AGAP1: variants seen among roughly 807,000 people sequenced by gnomAD.
AGAP1 encodes the protein arf-GAP with GTPase, ANK repeat and PH domain-containing protein 1.
In AGAP1, 29 loss-of-function variants were observed where a neutral mutation model predicts 105.3. The observed-to-expected ratio is 0.28, with a 90% confidence interval of 0.21 to 0.38. The LOEUF (loss-of-function observed/expected upper bound fraction) is 0.38, where lower values mean the gene tolerates loss of function less well. AGAP1 is among the 10% of genes least tolerant of loss of function. The pLI, the probability that AGAP1 is intolerant of heterozygous loss-of-function variation, is 1.00. For synonymous variants in AGAP1, 509 were observed against 485.9 expected (o/e 1.05, Z -0.63); for missense variants, 998 against 1,165.1 (o/e 0.86, Z 2.09).
At position 235,971,832 on chromosome 2, in the gene AGAP1, G is replaced by A. The variant is rs906182099; in HGVS notation, c.1645+3209G>A. On this transcript the variant is annotated intron_variant, in intron 13 of 17. Coordinates refer to ENST00000304032, the MANE Select transcript of AGAP1 (RefSeq NM_001037131.3). This position sits in a 1 kb window ranked among gnomAD's most constrained non-coding sequence, Gnocchi z 4.8. ...CTCGCTCTGTCACCCAGGCTGGGGTGTAGTGGTGCAGTCACGGCTCACTGC... is the reference window on the plus strand; with the variant it reads ...CTCGCTCTGTCACCCAGGCTGGGGTATAGTGGTGCAGTCACGGCTCACTGC... 2.6e-5 allele frequency among the ~76,000 whole-genome samples: 4 copies of A among 151,582 alleles called. No homozygotes were observed. The highest frequency in any genetic ancestry group is 1.3e-4 in the Admixed American group (2 of 15,190).
intron 13 of AGAP1, among the ~76,000 whole-genome samples, chr2:236,010,824 A>C (rs890529648): frequency 3.3e-5 from 5 of 152,210 alleles, no homozygotes; most frequent in Admixed American, 1.3e-4. Context: ...GTCTCTCTGC[A>C]TTGTCTTAAC....
In AGAP1 at chr2:235,787,147, C is replaced by T. The variant is rs1956693139; in HGVS notation, c.674-10612C>T. ...GGTTCTCACTTCTTGTCTTTGAGTTCTCAGGCTTCTCCCCTCTCCTGTTGT... is the reference window on the plus strand; with the variant it reads ...GGTTCTCACTTCTTGTCTTTGAGTTTTCAGGCTTCTCCCCTCTCCTGTTGT... On this transcript the variant is annotated intron_variant, in intron 6 of 17. Transcript: ENST00000304032. This position sits in a 1 kb window ranked among gnomAD's most constrained non-coding sequence, Gnocchi z 4.4. Among the ~76,000 whole-genome samples the T allele has an allele frequency of 6.6e-6, 1 of 152,218 alleles. No individual in the cohort carries two copies. The highest frequency in any genetic ancestry group is 1.5e-5 in the Non-Finnish European group (1 of 68,044).
rs1945678116 is a variant in AGAP1 at position 235,600,074 on chromosome 2, C to T, written c.163+105225C>T. Among the ~76,000 whole-genome samples the T allele has an allele frequency of 6.6e-6, 1 of 152,184 alleles. No homozygotes were observed. The highest frequency in any genetic ancestry group is 2.1e-4 in the South Asian group (1 of 4,832). On this transcript the variant is annotated intron_variant, in intron 1 of 17. Coordinates refer to ENST00000304032, the MANE Select transcript of AGAP1 (RefSeq NM_001037131.3). The surrounding 1 kb of genome is among the most constrained non-coding windows in gnomAD (Gnocchi z 4.8). Reference sequence around the variant, plus strand: ...GGGAATATAAACAGCCTCCAGGGAGCCCCTCTCTCCATCCCAGCCTTTCTT... The same window carrying T: ...GGGAATATAAACAGCCTCCAGGGAGTCCCTCTCTCCATCCCAGCCTTTCTT...
chr2:235,593,362 G>A lies in AGAP1; in HGVS notation c.163+98513G>A, dbSNP rs143643661. On this transcript the variant is annotated intron_variant, in intron 1 of 17. Coordinates refer to ENST00000304032, the MANE Select transcript of AGAP1 (RefSeq NM_001037131.3). ...ACAACCTCCTGATTTCAAAAGCAAAGGCTTAAAATTTATTTCAGAATGAGT... is the reference window on the plus strand; with the variant it reads ...ACAACCTCCTGATTTCAAAAGCAAAAGCTTAAAATTTATTTCAGAATGAGT... Among the ~76,000 whole-genome samples the A allele has an allele frequency of 1.4e-3, 217 of 152,278 alleles. 1 individual carries two copies. Among genetic ancestry groups the A allele is most frequent in the African/African-American group, 4.8e-3 (199 of 41,568 alleles).
chr2:235,740,183 C>T lies in AGAP1; in HGVS notation c.311-780C>T, dbSNP rs775665867. ...CAGGAGCAGGGCTGGCCTAGCGGGCCGGGCTGGGCACTGCAGCAACCTTGT... is the reference window on the plus strand; with the variant it reads ...CAGGAGCAGGGCTGGCCTAGCGGGCTGGGCTGGGCACTGCAGCAACCTTGT... On this transcript the variant is annotated intron_variant, in intron 3 of 17. Coordinates refer to ENST00000304032, the MANE Select transcript of AGAP1 (RefSeq NM_001037131.3). The surrounding 1 kb of genome is among the most constrained non-coding windows in gnomAD (Gnocchi z 5.7). Among the ~76,000 whole-genome samples, 1 of 152,082 alleles carries T rather than the reference C, an allele frequency of 6.6e-6. No homozygotes were observed. Among genetic ancestry groups the T allele is most frequent in the Non-Finnish European group, 1.5e-5 (1 of 67,988 alleles).
intron 1 of AGAP1, among the ~76,000 whole-genome samples, chr2:235,666,830 C>T (rs1948142831): frequency 6.6e-6 from 1 of 151,928 alleles, no homozygotes; most frequent in African/African-American, 2.4e-5. Context: ...ATTTACATAC[C>T]TTAATTATGG....
Position 235,799,328 on chromosome 2 carries a change from G to A in AGAP1, c.802-39G>A. The stretch of plus-strand genomic sequence containing the variant: ...CTAAGTGGAGGTCTTGGGTTCCTGA[G>A]TATGTCGTTAATGAAACCTTGGATT... On this transcript the variant is annotated intron_variant, in intron 7 of 17. Coordinates refer to ENST00000304032, the MANE Select transcript of AGAP1 (RefSeq NM_001037131.3). This position sits in a 1 kb window ranked among gnomAD's most constrained non-coding sequence, Gnocchi z 5.0. 6.2e-7 allele frequency: 1 copy of A among 1,602,154 alleles called. No homozygotes were observed. Among genetic ancestry groups the A allele is most frequent in the Non-Finnish European group, 8.5e-7 (1 of 1,173,244 alleles).
At chr2:235,786,746 C>T (rs967894041) in intron 6 of AGAP1, among the ~76,000 whole-genome samples, 9 of 152,154 alleles carry the variant, frequency 5.9e-5, no homozygotes, top group Admixed American at 3.3e-4. Flanking sequence ...TGCCCTGTGA[C>T]GAGAAGAGCA....
chr2:236,120,211 A>G lies in AGAP1; in HGVS notation c.2134A>G (p.Ile712Val), dbSNP rs761131808. 11 of 1,612,384 alleles carry G rather than the reference A, an allele frequency of 6.8e-6. No individual in the cohort carries two copies. Among genetic ancestry groups the G allele is most frequent in the Non-Finnish European group, 8.5e-6 (10 of 1,178,984 alleles). The change falls in exon 17 of 18, where the codon ATC (isoleucine) becomes GTC (valine). Residue 712 changes from isoleucine (I) to valine (V), a missense_variant. Ile to Val is a conservative substitution (Grantham distance 29). Transcript: ENST00000304032. This position sits in a 1 kb window ranked among gnomAD's most constrained non-coding sequence, Gnocchi z 6.0. Reference protein sequence around the residue: ...DSTREEKERWIRAKYEQKLFL... With the variant: ...DSTREEKERWVRAKYEQKLFL... ...TTGCAGGGAAGAGAAGGAACGGTGG[A>G]TCCGTGCCAAGTACGAGCAGAAGCT...
At chr2:235,675,194 T>G (rs1490834754) in intron 1 of AGAP1, among the ~76,000 whole-genome samples, 1 of 147,476 alleles carries the variant, frequency 6.8e-6, no homozygotes, top group Admixed American at 6.7e-5. Flanking sequence ...TGGTTGGTTT[T>G]TTTTTTTTTT....
At chr2:235,671,212 G>A (rs1330695197) in intron 1 of AGAP1, among the ~76,000 whole-genome samples, 4 of 152,212 alleles carry the variant, frequency 2.6e-5, no homozygotes, top group Admixed American at 6.5e-5. Context: ...CCAGCAGGGC[G>A]CAGCGGTCCT....
intron 1 of AGAP1, among the ~76,000 whole-genome samples, chr2:235,602,637 C>G (rs961419180): frequency 2.0e-5 from 3 of 152,210 alleles, no homozygotes; most frequent in Non-Finnish European, 2.9e-5. Flanking sequence ...TGCATGTTTC[C>G]TCCACCTCCA....
At chr2:236,039,809 G>A (rs1351989525) in intron 14 of AGAP1, among the ~76,000 whole-genome samples, 2 of 152,144 alleles carry the variant, frequency 1.3e-5, no homozygotes, top group Non-Finnish European at 2.9e-5. Context: ...TAAACAACAG[G>A]CTAAAAGAAC....
Position 235,879,829 on chromosome 2 carries a change from G to A in AGAP1, c.1051-3516G>A, listed in dbSNP as rs2106608842. Among the ~76,000 whole-genome samples the A allele has an allele frequency of 6.6e-6, 1 of 152,304 alleles. No homozygotes were observed. The highest frequency in any genetic ancestry group is 1.5e-5 in the Non-Finnish European group (1 of 68,038). ...TGTGTGTAGTCCTAGCTACTCGGAGGAGGCTGGCGCAGGAGAATTGCTTGA... is the reference window on the plus strand; with the variant it reads ...TGTGTGTAGTCCTAGCTACTCGGAGAAGGCTGGCGCAGGAGAATTGCTTGA... On this transcript the variant is annotated intron_variant, in intron 9 of 17. Transcript: ENST00000304032. The surrounding 1 kb of genome is among the most constrained non-coding windows in gnomAD (Gnocchi z 5.0).
intron 6 of AGAP1, among the ~76,000 whole-genome samples, chr2:235,791,442 G>A (rs1488932095): frequency 6.6e-6 from 1 of 152,118 alleles, no homozygotes; most frequent in Admixed American, 6.5e-5. Flanking sequence ...TGTAGGGGCG[G>A]GGGATGGATT....
chr2:235,684,770 A>G (rs1012690716), intron 1 of AGAP1, among the ~76,000 whole-genome samples: 12 of 152,166 alleles, frequency 7.9e-5, no homozygotes, highest in African/African-American at 2.2e-4. Context: ...GCGTCAGATG[A>G]ATAACTTGTT....
Position 235,883,294 on chromosome 2 carries a change from T to A in AGAP1, c.1051-51T>A. 1 of 1,555,424 alleles carries A rather than the reference T, an allele frequency of 6.4e-7. No individual in the cohort carries two copies. Among genetic ancestry groups the A allele is most frequent in the African/African-American group, 1.4e-5 (1 of 73,388 alleles). On this transcript the variant is annotated intron_variant, in intron 9 of 17. Transcript: ENST00000304032. The surrounding 1 kb of genome is among the most constrained non-coding windows in gnomAD (Gnocchi z 4.5). ...ATATGTTGCCTGTGTACCTGCCTTT[T>A]CTTTTTTTTATTTACATTAGAATTT...
In AGAP1 at chr2:235,879,725, C is replaced by T. The variant is rs998532698; in HGVS notation, c.1051-3620C>T. Among the ~76,000 whole-genome samples, 6 of 151,870 alleles carry T rather than the reference C, an allele frequency of 4.0e-5. No individual in the cohort carries two copies. Among genetic ancestry groups the T allele is most frequent in the African/African-American group, 7.3e-5 (3 of 41,322 alleles). Reference sequence around the variant, plus strand: ...GGAGGATTGCTTGAGCCCAGGAGTTCGAGACCAGCCTGGGCAAGATGATGA... The same window carrying T: ...GGAGGATTGCTTGAGCCCAGGAGTTTGAGACCAGCCTGGGCAAGATGATGA... On this transcript the variant is annotated intron_variant, in intron 9 of 17. Transcript: ENST00000304032. This position sits in a 1 kb window ranked among gnomAD's most constrained non-coding sequence, Gnocchi z 5.0.
In AGAP1 at chr2:235,720,766, G is replaced by C; in HGVS notation, c.310+3122G>C. The C allele has an allele frequency of 1.0e-6, 1 of 953,326 alleles. No individual in the cohort carries two copies. Among genetic ancestry groups the C allele is most frequent in the Non-Finnish European group, 1.2e-6 (1 of 800,846 alleles). The allele number at this position is 953,326 out of a possible 1,614,324, so 59.1% of individuals were successfully genotyped here. On this transcript the variant is annotated intron_variant, in intron 3 of 17. Transcript: ENST00000304032. This position sits in a 1 kb window ranked among gnomAD's most constrained non-coding sequence, Gnocchi z 5.0. ...GACCCGTGGCTGGGATATGTAGACTGCTGGGAGGGGTGAGGGTGAGGGCCT... is the reference window on the plus strand; with the variant it reads ...GACCCGTGGCTGGGATATGTAGACTCCTGGGAGGGGTGAGGGTGAGGGCCT...
Sources: allele counts gnomAD v4.1 joint callset (sites outside exome capture counted in the v4.1 genomes callset), GRCh38; gene constraint gnomAD v4.1.1; non-coding constraint Gnocchi (gnomAD v3.1); transcripts MANE v1.5; gene names NCBI Gene and HGNC (gene_info 2026-07-23, HGNC 2026-07-21).